DPP10: variants seen among roughly 807,000 people sequenced by gnomAD.
DPP10 encodes dipeptidyl peptidase like 10.
Under a neutral mutation model 120.9 loss-of-function variants are expected in DPP10, and 33 were observed. The ratio of observed to expected loss-of-function variants is 0.27; its 90% CI spans 0.21 to 0.37. The LOEUF (loss-of-function observed/expected upper bound fraction) is 0.37, where lower values mean the gene tolerates loss of function less well. Ranked by LOEUF, DPP10 falls within the 10% of genes least tolerant of loss-of-function variation. The probability of loss-of-function intolerance (pLI) is 1.00; values close to 1 mark genes in which losing one functional copy is unlikely to be tolerated. For missense variants in DPP10, 816 were observed against 942.8 expected (o/e 0.87, Z 1.76); for synonymous variants, 337 against 326.1 (o/e 1.03, Z -0.36).
intron 1 of DPP10, among the ~76,000 whole-genome samples, chr2:114,949,863 T>C (rs1188219241): frequency 2.0e-5 from 3 of 152,200 alleles, no homozygotes; most frequent in African/African-American, 4.8e-5. Context: ...GCTGGCATTC[T>C]ATAATCTTTC....
intron 1 of DPP10, among the ~76,000 whole-genome samples, chr2:115,214,521 T>C (rs1442072010): frequency 6.6e-6 from 1 of 152,180 alleles, no homozygotes; most frequent in African/African-American, 2.4e-5. Context: ...CTTCAGCCGA[T>C]GTTGAGAGGG....
intron 1 of DPP10, among the ~76,000 whole-genome samples, chr2:114,939,833 T>C (rs1696764004): frequency 6.6e-6 from 1 of 152,196 alleles, no homozygotes; most frequent in Non-Finnish European, 1.5e-5. Context: ...TTTACAGCTA[T>C]GGCTCATACC....
At chr2:115,725,283 C>T (rs1386144043) in intron 7 of DPP10, among the ~76,000 whole-genome samples, 1 of 152,082 alleles carries the variant, frequency 6.6e-6, no homozygotes, top group East Asian at 1.9e-4. Flanking sequence ...CAAATTGTTA[C>T]TAATGGTTAG....
chr2:115,400,473 A>G (rs2067990115), intron 3 of DPP10, among the ~76,000 whole-genome samples: 1 of 109,214 alleles, frequency 9.2e-6, no homozygotes, highest in African/African-American at 2.8e-5. Flanking sequence ...ATATCTACCC[A>G]TAAGTAAAAA....
At chr2:115,520,550 A>C (rs759437312) in intron 4 of DPP10, among the ~76,000 whole-genome samples, 20 of 151,978 alleles carry the variant, frequency 1.3e-4, no homozygotes, top group Non-Finnish European at 1.5e-4. Flanking sequence ...ATGTCTTTAG[A>C]TATTTTTATT....
chr2:115,615,988 A>G (rs1032001737), intron 5 of DPP10, among the ~76,000 whole-genome samples: 1 of 152,204 alleles, frequency 6.6e-6, no homozygotes, highest in Admixed American at 6.5e-5. Context: ...TTGAGAAATT[A>G]TTAGCAATTC....
At chr2:114,764,828 A>C (rs1680572945) in intron 1 of DPP10, among the ~76,000 whole-genome samples, 1 of 152,178 alleles carries the variant, frequency 6.6e-6, no homozygotes, top group South Asian at 2.1e-4. Context: ...TTTTGGCTTA[A>C]ATTTGCAATT....
chr2:115,402,576 G>A (rs2068149005), intron 3 of DPP10, among the ~76,000 whole-genome samples: 1 of 149,586 alleles, frequency 6.7e-6, no homozygotes, highest in Non-Finnish European at 1.5e-5. Context: ...TGAAAGCTTT[G>A]AAAACAAACA....
At chr2:115,352,154 T>C (rs966264499) in intron 3 of DPP10, among the ~76,000 whole-genome samples, 3 of 152,078 alleles carry the variant, frequency 2.0e-5, no homozygotes, top group African/African-American at 4.8e-5. Flanking sequence ...ATGATCAAAG[T>C]ATTTAAAGAG....
At chr2:115,694,468 A>AG (rs1404856192) in intron 7 of DPP10, among the ~76,000 whole-genome samples, 5 of 152,206 alleles carry the variant, frequency 3.3e-5, no homozygotes, top group Non-Finnish European at 7.3e-5. Flanking sequence ...AACTTTCAAT[A>AG]GCACTAAGTG....
intron 3 of DPP10, among the ~76,000 whole-genome samples, chr2:115,384,442 G>A (rs984504994): frequency 3.0e-4 from 38 of 126,410 alleles, no homozygotes; most frequent in Admixed American, 1.4e-3. Context: ...AAGAAGAAGA[G>A]GAGGAAGAAG....
intron 5 of DPP10, among the ~76,000 whole-genome samples, chr2:115,676,575 T>C (rs1033224048): frequency 4.6e-5 from 7 of 152,100 alleles, no homozygotes; most frequent in African/African-American, 1.4e-4. Context: ...GCTTCATCAA[T>C]AGACTAAATT....
chr2:115,290,220 A>T (rs1355323059), intron 1 of DPP10, among the ~76,000 whole-genome samples: 1 of 152,126 alleles, frequency 6.6e-6, no homozygotes, highest in Non-Finnish European at 1.5e-5. Flanking sequence ...AAATTATAAC[A>T]AAAGAGTGAA....
chr2:114,520,113 G>A (rs1015105620), intron 1 of DPP10, among the ~76,000 whole-genome samples: 2 of 152,202 alleles, frequency 1.3e-5, no homozygotes, highest in Admixed American at 6.5e-5. Flanking sequence ...CAGGAACAAA[G>A]CAGATAATCA....
intron 1 of DPP10, among the ~76,000 whole-genome samples, chr2:115,163,236 C>T (rs2052570554): frequency 6.6e-6 from 1 of 152,148 alleles, no homozygotes; most frequent in Non-Finnish European, 1.5e-5. Context: ...TCCAAATCGC[C>T]CAGGAGTGGT....
chr2:114,792,990 TTG>T (rs55780807), intron 1 of DPP10, among the ~76,000 whole-genome samples: 8,855 of 143,572 alleles, frequency 0.062, 341 homozygotes, highest in Middle Eastern at 0.11. Flanking sequence ...AACTGTATTA[TTG>T]TGTGTGTGTG....
intron 1 of DPP10, among the ~76,000 whole-genome samples, chr2:114,509,081 T>C (rs1683923409): frequency 6.6e-6 from 1 of 151,670 alleles, no homozygotes; most frequent in Non-Finnish European, 1.5e-5. Context: ...AATCCAGAAA[T>C]AAGAGACTAG....
chr2:115,635,399 G>C (rs2086245945), intron 5 of DPP10, among the ~76,000 whole-genome samples: 2 of 152,140 alleles, frequency 1.3e-5, no homozygotes, highest in South Asian at 4.1e-4. Flanking sequence ...TTCCCAGGCA[G>C]AGTAGCACCA....
chr2:115,507,111 C>T (rs777547805), intron 4 of DPP10, among the ~76,000 whole-genome samples: 6 of 151,972 alleles, frequency 3.9e-5, no homozygotes, highest in Non-Finnish European at 7.4e-5. Context: ...TACTACTCTA[C>T]TTCTCTTCTT....
Sources: allele counts gnomAD v4.1 joint callset (sites outside exome capture counted in the v4.1 genomes callset), GRCh38; gene constraint gnomAD v4.1.1; transcripts MANE v1.5; gene names NCBI Gene and HGNC (gene_info 2026-07-23, HGNC 2026-07-21).